The following SORCS1 variants were observed in gnomAD, a reference collection of about 807,000 sequenced individuals.
SORCS1 encodes the protein sortilin related VPS10 domain containing receptor 1.
SORCS1 carries 60 observed loss-of-function variants against 146.1 expected under a neutral mutation model. The ratio of observed to expected loss-of-function variants is 0.41; its 90% CI spans 0.33 to 0.51. SORCS1 has a LOEUF of 0.51. Among genes scored for constraint, SORCS1 ranks in the 20% least tolerant of loss-of-function variants. The pLI is 0.21. For synonymous variants in SORCS1, 637 were observed against 584.0 expected (o/e 1.09, Z -1.31); for missense variants, 1,352 against 1,487.6 (o/e 0.91, Z 1.50).
At chr10:106,805,780 C>T (rs1045391295) in intron 3 of SORCS1, among the ~76,000 whole-genome samples, 10 of 152,048 alleles carry the variant, frequency 6.6e-5, no homozygotes, top group Non-Finnish European at 1.2e-4. Context: ...AAAAATCAGC[C>T]GGGCGTGGTG....
chr10:107,093,937 TCCTATG>T (rs1338548842), intron 1 of SORCS1, among the ~76,000 whole-genome samples: 1 of 152,068 alleles, frequency 6.6e-6, no homozygotes, highest in Non-Finnish European at 1.5e-5. Flanking sequence ...TACTCACCAT[TCCTATG>T]CCTGGACCGC....
intron 5 of SORCS1, among the ~76,000 whole-genome samples, chr10:106,746,463 G>A (rs2136144829): frequency 6.6e-6 from 1 of 152,318 alleles, no homozygotes; most frequent in South Asian, 2.1e-4. Context: ...TATTCAGTAA[G>A]TCAGCCTCAT....
In SORCS1 at chr10:107,111,495, A is replaced by T. The variant is rs117479866; in HGVS notation, c.558+52474T>A. ...AGAAATAATTAGTGAATTCAAAGAC[A>T]GGCCATTTGAAATTAGCCAAGTCCA... On this transcript the variant is annotated intron_variant, in intron 1 of 25. Coordinates refer to ENST00000263054, the MANE Select transcript of SORCS1 (RefSeq NM_052918.5). 4.2e-3 allele frequency among the ~76,000 whole-genome samples: 641 copies of T among 152,318 alleles called. 4 individuals carry two copies. Among genetic ancestry groups the T allele is most frequent in the Non-Finnish European group, 6.3e-3 (431 of 68,012 alleles).
chr10:106,673,429 C>T (rs778401805), intron 14 of SORCS1, among the ~76,000 whole-genome samples: 7 of 151,972 alleles, frequency 4.6e-5, no homozygotes, highest in South Asian at 4.1e-4. Context: ...CGCACTTGGC[C>T]GAGGAGGGTA....
At chr10:106,703,577 G>C (rs934066278) in intron 8 of SORCS1, among the ~76,000 whole-genome samples, 1 of 152,192 alleles carries the variant, frequency 6.6e-6, no homozygotes, top group African/African-American at 2.4e-5. Context: ...TTTACTATTA[G>C]TAAATATTTT....
At chr10:106,815,927 T>C (rs1414067803) in intron 3 of SORCS1, among the ~76,000 whole-genome samples, 2 of 152,200 alleles carry the variant, frequency 1.3e-5, no homozygotes, top group African/African-American at 4.8e-5. Context: ...CTTGCTTAGA[T>C]CTTGAATTTT....
At chr10:106,737,528 G>A (rs1169470136) in intron 5 of SORCS1, among the ~76,000 whole-genome samples, 2 of 151,888 alleles carry the variant, frequency 1.3e-5, no homozygotes, top group Non-Finnish European at 2.9e-5. Context: ...AGTTCGAGAC[G>A]AGCCTGGCCA....
At chr10:106,928,794 G>A (rs1390350442) in intron 2 of SORCS1, among the ~76,000 whole-genome samples, 1 of 151,994 alleles carries the variant, frequency 6.6e-6, no homozygotes, top group Non-Finnish European at 1.5e-5. Flanking sequence ...GTCTCAAAAG[G>A]GGAAAAGGAA....
chr10:106,927,188 C>A (rs1953091515), intron 2 of SORCS1, among the ~76,000 whole-genome samples: 1 of 152,078 alleles, frequency 6.6e-6, no homozygotes, highest in East Asian at 1.9e-4. Flanking sequence ...TGGACCCTCG[C>A]AGTGAGTGTT....
intron 2 of SORCS1, among the ~76,000 whole-genome samples, chr10:106,938,224 A>G (rs1953851873): frequency 6.6e-6 from 1 of 152,144 alleles, no homozygotes; most frequent in Non-Finnish European, 1.5e-5. Context: ...CAAAATCTCA[A>G]TCTGCTCTAG....
chr10:106,970,314 C>T (rs1370219557), intron 1 of SORCS1, among the ~76,000 whole-genome samples: 1 of 147,186 alleles, frequency 6.8e-6, no homozygotes, highest in Non-Finnish European at 1.5e-5. Context: ...CCCCTTCTTC[C>T]CTCCAAATGT....
intron 14 of SORCS1, among the ~76,000 whole-genome samples, chr10:106,674,814 T>C (rs1285017856): frequency 6.6e-6 from 1 of 152,204 alleles, no homozygotes; most frequent in Non-Finnish European, 1.5e-5. Flanking sequence ...TTATTTCCTA[T>C]TGAAATCATC....
At position 106,607,301 on chromosome 10, in the gene SORCS1, A is replaced by G. The variant is rs1396669922; in HGVS notation, c.3034-4T>C. 6.2e-7 allele frequency: 1 copy of G among 1,613,640 alleles called. No homozygotes were observed. The highest frequency in any genetic ancestry group is 8.5e-7 in the Non-Finnish European group (1 of 1,179,868). ...GCTGGCCTGGAACCCCTGTGGCCTG[A>G]GGGACAGACACAGGGGCTCACATTA... On this transcript the variant is annotated splice_region_variant and splice_polypyrimidine_tract_variant and intron_variant, in intron 22 of 25. Coordinates refer to ENST00000263054, the MANE Select transcript of SORCS1 (RefSeq NM_052918.5).
intron 6 of SORCS1, among the ~76,000 whole-genome samples, chr10:106,711,620 C>T (rs984089977): frequency 1.3e-5 from 2 of 152,210 alleles, no homozygotes; most frequent in African/African-American, 2.4e-5. Context: ...CTTCACCCCA[C>T]TGCCATTTCC....
intron 1 of SORCS1, among the ~76,000 whole-genome samples, chr10:107,137,290 C>T (rs1414996739): frequency 6.6e-6 from 1 of 152,132 alleles, no homozygotes; most frequent in Non-Finnish European, 1.5e-5. Flanking sequence ...CCTACTGGGT[C>T]CCAGTCTTTT....
chr10:106,964,925 T>C (rs147490530), intron 1 of SORCS1, among the ~76,000 whole-genome samples: 4 of 151,090 alleles, frequency 2.6e-5, no homozygotes, highest in Non-Finnish European at 5.9e-5. Context: ...AGACCAGATT[T>C]TGAGTCCTGG....
intron 1 of SORCS1, among the ~76,000 whole-genome samples, chr10:107,129,796 T>C (rs1384573449): frequency 1.3e-5 from 2 of 152,208 alleles, no homozygotes; most frequent in Admixed American, 6.5e-5. Context: ...TTTTTACTTA[T>C]TGATTTTAGT....
intron 2 of SORCS1, among the ~76,000 whole-genome samples, chr10:106,884,930 G>A (rs1339690199): frequency 1.3e-5 from 2 of 152,188 alleles, no homozygotes; most frequent in African/African-American, 4.8e-5. Context: ...AAAGAAGTCA[G>A]GGCAGGGCCT....
intron 2 of SORCS1, among the ~76,000 whole-genome samples, chr10:106,833,148 T>C (rs1286959603): frequency 6.6e-6 from 1 of 152,208 alleles, no homozygotes; most frequent in Non-Finnish European, 1.5e-5. Context: ...ATTTTTATCT[T>C]ATTGTAACAT....
Sources: gnomAD v4.1 joint callset for allele counts (sites outside exome capture counted in the v4.1 genomes callset) on GRCh38, gnomAD v4.1.1 for gene constraint, MANE v1.5 for transcripts, NCBI Gene and HGNC (gene_info 2026-07-23, HGNC 2026-07-21) for gene names.